Variants in HEATR5B observed in about 807,000 individuals in gnomAD.
HEATR5B encodes HEAT repeat containing 5B.
Under a neutral mutation model 224.1 loss-of-function variants are expected in HEATR5B, and 156 were observed. The ratio of observed to expected loss-of-function variants is 0.70; its 90% CI spans 0.61 to 0.80. The LOEUF is 0.80. Among genes scored for constraint, HEATR5B ranks in the 30% least tolerant of loss-of-function variants. The pLI is 0.00. For synonymous variants in HEATR5B, 1,027 were observed against 893.0 expected, an observed-to-expected ratio of 1.15 and a Z score of -2.68; for missense variants, 2,323 against 2,535.5, an observed-to-expected ratio of 0.92 and a Z score of 1.80.
chr2:37,006,261 C>T (rs1305835859), intron 29 of HEATR5B, among the ~76,000 whole-genome samples: 2 of 152,066 alleles, frequency 1.3e-5, no homozygotes, highest in Admixed American at 6.6e-5. Context: ...CTGATGAATC[C>T]GATAATTACA....
intron 17 of HEATR5B, among the ~76,000 whole-genome samples, chr2:37,050,714 T>G (rs1483833262): frequency 6.6e-6 from 1 of 152,192 alleles, no homozygotes; most frequent in African/African-American, 2.4e-5. Flanking sequence ...AAGACAATTA[T>G]ATGACTTAAA....
chr2:37,008,321 G>C (rs1343144866), intron 28 of HEATR5B: 3 of 446,680 alleles, frequency 6.7e-6, no homozygotes, highest in Non-Finnish European at 1.2e-5. Context: ...TACATCTATG[G>C]TTATGCATAA....
chr2:37,049,557 C>G (rs904417547), intron 18 of HEATR5B, 96 bp downstream of exon 18: 15 of 1,047,966 alleles, frequency 1.4e-5, no homozygotes, highest in East Asian at 2.4e-5. Flanking sequence ...TTATCACATG[C>G]TGTATACCAT....
intron 2 of HEATR5B, among the ~76,000 whole-genome samples, chr2:37,082,772 C>A (rs908404901): frequency 3.3e-5 from 5 of 152,206 alleles, no homozygotes; most frequent in African/African-American, 1.2e-4. Flanking sequence ...GTTCCGGGGT[C>A]TCAGCTCTGA....
At chr2:37,050,314 A>G (rs1256364537) in intron 17 of HEATR5B, among the ~76,000 whole-genome samples, 4 of 152,226 alleles carry the variant, frequency 2.6e-5, no homozygotes, top group Admixed American at 2.0e-4. Context: ...TAACTGTTCA[A>G]TTCACGGTAA....
chr2:37,034,861 A>T, intron 21 of HEATR5B, among the ~76,000 whole-genome samples: 1 of 152,134 alleles, frequency 6.6e-6, no homozygotes, highest in Non-Finnish European at 1.5e-5. Flanking sequence ...CCCAGCCAAC[A>T]AAGTACTTTA....
chr2:37,044,107 G>C (rs948572134), intron 18 of HEATR5B, among the ~76,000 whole-genome samples: 1 of 151,940 alleles, frequency 6.6e-6, no homozygotes, highest in African/African-American at 2.4e-5. Context: ...TTTGAACTAA[G>C]TCTTCAAAAT....
In HEATR5B at chr2:37,049,850, T is replaced by TAAAAAAAAA; in HGVS notation, c.2506-16_2506-8dup. 2.0e-6 allele frequency: 2 copies of TAAAAAAAAA among 1,000,686 alleles called. No homozygotes were observed. The highest frequency in any genetic ancestry group is 2.5e-6 in the Non-Finnish European group (2 of 789,588). The allele number at this position is 1,000,686 out of a possible 1,614,324, so 62.0% of individuals were successfully genotyped here. ...TTTTGTTTTCAGCTAAGCCCTACAT[T>TAAAAAAAAA]AAAAAAAAAAAAAAAAAAAAGACAG... On this transcript the variant is annotated splice_polypyrimidine_tract_variant and splice_region_variant and intron_variant, in intron 17 of 35. Transcript: ENST00000233099.
intron 33 of HEATR5B, among the ~76,000 whole-genome samples, chr2:36,996,020 G>T (rs544714943): frequency 2.0e-5 from 3 of 151,730 alleles, no homozygotes; most frequent in African/African-American, 7.2e-5. Context: ...TGAGTAGCTG[G>T]GACCACAGGC....
intron 31 of HEATR5B, 141 bp downstream of exon 31, chr2:37,003,401 G>A (rs113425607): frequency 1.5e-5 from 8 of 550,990 alleles, no homozygotes; most frequent in African/African-American, 3.8e-5. Flanking sequence ...ACATCATTGC[G>A]CTCCAGCTTG....
In HEATR5B at chr2:37,028,869, C is replaced by T. The variant is rs751072478; in HGVS notation, c.3413G>A (p.Arg1138Gln). The change falls in exon 23 of 36, where the codon CGG (arginine) becomes CAG (glutamine). Residue 1138 changes from arginine (R) to glutamine (Q), a missense_variant. By Grantham distance (43) the Arg-to-Gln change is conservative (BLOSUM62 1). Coordinates refer to ENST00000233099, the MANE Select transcript of HEATR5B (RefSeq NM_019024.3). ...TTCTGTTATATTAACACCTTGGTGC[C>T]GGCAATGGATATCAGTTCGAGAACT... Reference protein sequence around the residue: ...GVSSRTDIHCRHQGVNITETG... With the variant: ...GVSSRTDIHCQHQGVNITETG... 83 of 1,613,678 alleles carry T rather than the reference C, an allele frequency of 5.1e-5. 1 individual carries two copies. The Admixed American group carries it at 1.2e-3, about 23-fold the overall frequency.
At chr2:37,015,640 G>T (rs565031602) in intron 26 of HEATR5B, among the ~76,000 whole-genome samples, 3 of 152,208 alleles carry the variant, frequency 2.0e-5, no homozygotes, top group Non-Finnish European at 4.4e-5. Flanking sequence ...GCTTTACGGG[G>T]ATGATAGGGG....
intron 24 of HEATR5B, among the ~76,000 whole-genome samples, chr2:37,023,966 T>G (rs527520088): frequency 1.3e-5 from 2 of 152,166 alleles, no homozygotes; most frequent in African/African-American, 4.8e-5. Context: ...TGCACTCTCA[T>G]GTTTACTGCA....
At chr2:36,993,121 C>T (rs1666446924) in intron 33 of HEATR5B, among the ~76,000 whole-genome samples, 2 of 151,994 alleles carry the variant, frequency 1.3e-5, no homozygotes, top group African/African-American at 4.8e-5. Flanking sequence ...GGGGCTGATT[C>T]TAGAACAGTG....
chr2:37,060,214 A>G (rs888558566), intron 12 of HEATR5B, among the ~76,000 whole-genome samples: 2 of 152,216 alleles, frequency 1.3e-5, no homozygotes, highest in African/African-American at 4.8e-5. Context: ...GCAAATGCCA[A>G]TAACTTTGGT....
rs544427734 is a variant in HEATR5B at position 36,998,491 on chromosome 2, T to C, written c.5545+2095A>G. 5.9e-5 allele frequency among the ~76,000 whole-genome samples: 9 copies of C among 152,348 alleles called. No individual in the cohort carries two copies. The South Asian group carries it at 1.7e-3, about 28-fold the overall frequency. On this transcript the variant is annotated intron_variant, in intron 33 of 35. Transcript: ENST00000233099. ...GCTATGTTGGAGGTCAATCTGGCAA[T>C]GTCTGATGACATTGAAATGTACCAT...
chr2:36,989,508 T>A (rs954516677), intron 34 of HEATR5B, among the ~76,000 whole-genome samples: 3 of 152,196 alleles, frequency 2.0e-5, no homozygotes, highest in Admixed American at 6.5e-5. Flanking sequence ...TAAGGAAGGT[T>A]AAATATTTGA....
At chr2:36,984,061 G>T (rs1351518657) in intron 35 of HEATR5B, among the ~76,000 whole-genome samples, 1 of 149,400 alleles carries the variant, frequency 6.7e-6, no homozygotes, top group African/African-American at 2.5e-5. Flanking sequence ...TTAGCTGGAC[G>T]TGGTGGCAGG....
intron 2 of HEATR5B, among the ~76,000 whole-genome samples, chr2:37,082,108 C>A (rs1271000832): frequency 9.3e-6 from 1 of 107,368 alleles, no homozygotes; most frequent in African/African-American, 3.5e-5. Context: ...TCACTCTTGT[C>A]CCCCGGGCTG....
Sources: allele counts gnomAD v4.1 joint callset (sites outside exome capture counted in the v4.1 genomes callset), GRCh38; gene constraint gnomAD v4.1.1; transcripts MANE v1.5; gene names NCBI Gene and HGNC (gene_info 2026-07-23, HGNC 2026-07-21).